Variants in SMYD3 observed in about 807,000 individuals in gnomAD.
SMYD3 encodes histone-lysine N-methyltransferase SMYD3.
A neutral mutation model predicts 57.7 loss-of-function variants in SMYD3; 36 were observed. The observed-to-expected ratio is 0.62, with a 90% confidence interval of 0.48 to 0.82. SMYD3 has a LOEUF of 0.82. Among genes scored for constraint, SMYD3 ranks in the 40% least tolerant of loss-of-function variants. SMYD3 has a pLI of 0.00. For synonymous variants in SMYD3, 211 were observed against 195.0 expected (o/e 1.08, Z -0.68); for missense variants, 515 against 538.8 (o/e 0.96, Z 0.44).
intron 5 of SMYD3, among the ~76,000 whole-genome samples, chr1:246,041,074 C>T (rs941821041): frequency 1.3e-5 from 2 of 152,178 alleles, no homozygotes; most frequent in African/African-American, 2.4e-5. Flanking sequence ...TACACAAATA[C>T]TTAACCTTGT....
At chr1:246,006,802 C>T (rs914600509) in intron 5 of SMYD3, among the ~76,000 whole-genome samples, 4 of 152,050 alleles carry the variant, frequency 2.6e-5, no homozygotes, top group Non-Finnish European at 5.9e-5. Context: ...CTGTGCTTAA[C>T]GTAATCATGA....
intron 5 of SMYD3, among the ~76,000 whole-genome samples, chr1:246,296,998 A>C (rs1159151395): frequency 6.6e-6 from 1 of 152,198 alleles, no homozygotes; most frequent in African/African-American, 2.4e-5. Context: ...AGATTTGAGG[A>C]AAGTGCTAGA....
At chr1:246,354,844 T>A (rs145424671) in intron 2 of SMYD3, among the ~76,000 whole-genome samples, 187 bp downstream of exon 2, 1 of 152,242 alleles carries the variant, frequency 6.6e-6, no homozygotes, top group Non-Finnish European at 1.5e-5. Context: ...TTTTTAACCA[T>A]ATATATTTAA....
At chr1:246,356,130 T>A (rs1381873797) in intron 1 of SMYD3, among the ~76,000 whole-genome samples, 1 of 106,340 alleles carries the variant, frequency 9.4e-6, no homozygotes, top group Non-Finnish European at 2.3e-5. Context: ...CTCTTAGCAG[T>A]CACTCCCCAG....
At chr1:246,471,087 T>C (rs552338319) in intron 1 of SMYD3, among the ~76,000 whole-genome samples, 1 of 152,194 alleles carries the variant, frequency 6.6e-6, no homozygotes, top group South Asian at 2.1e-4. Context: ...ATAAAAGGCA[T>C]GTAAGGGTTG....
At chr1:246,286,103 A>G (rs2064557274) in intron 5 of SMYD3, among the ~76,000 whole-genome samples, 1 of 152,214 alleles carries the variant, frequency 6.6e-6, no homozygotes, top group African/African-American at 2.4e-5. Context: ...GAACTAAAGT[A>G]GAACTACCAT....
chr1:246,155,561 G>A (rs552207226), intron 5 of SMYD3, among the ~76,000 whole-genome samples: 295 of 152,290 alleles, frequency 1.9e-3, no homozygotes, highest in African/African-American at 6.9e-3. Context: ...CATGAAAGCT[G>A]AAAAGGAAAT....
intron 5 of SMYD3, among the ~76,000 whole-genome samples, chr1:246,266,027 A>G (rs1228418368): frequency 6.6e-6 from 1 of 152,148 alleles, no homozygotes; most frequent in Admixed American, 6.5e-5. Flanking sequence ...CTTCCTTAGA[A>G]TTTTGAGCTC....
chr1:246,036,225 A>G (rs1043841510), intron 5 of SMYD3, among the ~76,000 whole-genome samples: 1 of 152,178 alleles, frequency 6.6e-6, no homozygotes, highest in African/African-American at 2.4e-5. Flanking sequence ...ATCTTATCTG[A>G]TAATTATTGA....
intron 1 of SMYD3, among the ~76,000 whole-genome samples, chr1:246,391,600 AATC>A (rs2066574072): frequency 6.6e-6 from 1 of 152,174 alleles, no homozygotes; most frequent in Non-Finnish European, 1.5e-5. Context: ...ACAAACCAGT[AATC>A]ATAAGAATGC....
At chr1:246,345,049 C>A (rs2065690811) in intron 2 of SMYD3, among the ~76,000 whole-genome samples, 1 of 152,108 alleles carries the variant, frequency 6.6e-6, no homozygotes, top group Admixed American at 6.5e-5. Flanking sequence ...TGTAGTTTGT[C>A]TTTCCAAGGA....
intron 5 of SMYD3, among the ~76,000 whole-genome samples, chr1:246,179,825 A>G (rs1337216104): frequency 1.3e-5 from 2 of 152,190 alleles, no homozygotes; most frequent in African/African-American, 4.8e-5. Flanking sequence ...CTCCATCCAC[A>G]GTCTCTTTCT....
rs558137244 is a variant in SMYD3 at position 245,813,280 on chromosome 1, TG to T, written c.1076+45215del. On this transcript the variant is annotated intron_variant, in intron 10 of 11. Coordinates refer to ENST00000490107, the MANE Select transcript of SMYD3 (RefSeq NM_001167740.2). ...CACCTGCCTGGGTCTCTCAAAGTGC[TG>T]GGATTACAGGCATGAGCCACCGCAC... Among the ~76,000 whole-genome samples the T allele has an allele frequency of 6.7e-3, 1,027 of 152,268 alleles. 4 individuals carry two copies. The highest frequency in any genetic ancestry group is 0.02 in the Middle Eastern group (6 of 294).
chr1:246,088,263 C>CTT (rs757303587), intron 5 of SMYD3, among the ~76,000 whole-genome samples: 6 of 152,150 alleles, frequency 3.9e-5, no homozygotes, highest in Middle Eastern at 3.4e-3. Flanking sequence ...CTCCCTCTCT[C>CTT]CTTCTTTCTC....
intron 5 of SMYD3, among the ~76,000 whole-genome samples, chr1:246,190,658 T>C (rs2062723142): frequency 6.7e-6 from 1 of 148,896 alleles, no homozygotes; most frequent in Non-Finnish European, 1.5e-5. Context: ...TTTAAATTAC[T>C]ACTCAATTAG....
intron 5 of SMYD3, among the ~76,000 whole-genome samples, chr1:246,176,730 C>T (rs2148268354): frequency 6.6e-6 from 1 of 152,200 alleles, no homozygotes; most frequent in South Asian, 2.1e-4. Context: ...GCCATGTTGT[C>T]CAGGCTGGTC....
chr1:245,855,903 G>A (rs2051214913), intron 10 of SMYD3, among the ~76,000 whole-genome samples: 1 of 152,340 alleles, frequency 6.6e-6, no homozygotes, highest in East Asian at 1.9e-4. Context: ...TATTAACATT[G>A]TAAAACTGTT....
chr1:246,132,672 C>A (rs976474326), intron 5 of SMYD3, among the ~76,000 whole-genome samples: 2 of 151,962 alleles, frequency 1.3e-5, no homozygotes, highest in Non-Finnish European at 2.9e-5. Flanking sequence ...TATCAAAGAA[C>A]ACAATCAACA....
intron 5 of SMYD3, among the ~76,000 whole-genome samples, chr1:245,954,680 G>A (rs1384105211): frequency 6.6e-5 from 10 of 152,148 alleles, no homozygotes; most frequent in African/African-American, 1.2e-4. Context: ...CAAGACTGTC[G>A]CAAATTAAAT....
Sources: gnomAD v4.1 joint callset for allele counts (sites outside exome capture counted in the v4.1 genomes callset) on GRCh38, gnomAD v4.1.1 for gene constraint, MANE v1.5 for transcripts, NCBI Gene and HGNC (gene_info 2026-07-23, HGNC 2026-07-21) for gene names.